SGTB: variants seen among roughly 807,000 people sequenced by gnomAD.
The protein encoded by SGTB is small glutamine rich tetratricopeptide repeat co-chaperone beta, also known as small glutamine-rich tetratricopeptide repeat-containing protein beta.
A neutral mutation model predicts 43.9 loss-of-function variants in SGTB; 19 were observed. The observed-to-expected ratio is 0.43, with a 90% CI of 0.30 to 0.63. SGTB has a LOEUF of 0.63. Ranked by LOEUF, SGTB falls within the 30% of genes least tolerant of loss-of-function variation. The pLI is 0.12. For missense variants in SGTB, 304 were observed against 358.9 expected, an observed-to-expected ratio of 0.85 and a Z score of 1.24; for synonymous variants, 116 against 117.3, an observed-to-expected ratio of 0.99 and a Z score of 0.07.
intron 2 of SGTB, among the ~76,000 whole-genome samples, chr5:65,714,163 A>T (rs1758104375): frequency 6.6e-6 from 1 of 152,250 alleles, no homozygotes; most frequent in Admixed American, 6.5e-5. Context: ...ATTAATAGTA[A>T]CAGAACATAG....
intron 5 of SGTB, among the ~76,000 whole-genome samples, chr5:65,686,592 C>T (rs1455652031): frequency 6.6e-6 from 1 of 151,658 alleles, no homozygotes; most frequent in Non-Finnish European, 1.5e-5. Context: ...CTCCTGGGCT[C>T]ATGCTATCCT....
chr5:65,672,918 C>G (rs1228294328), intron 8 of SGTB, among the ~76,000 whole-genome samples: 1 of 152,168 alleles, frequency 6.6e-6, no homozygotes, highest in Non-Finnish European at 1.5e-5. Flanking sequence ...CTGACTGATT[C>G]GTAAGTAATT....
intron 5 of SGTB, 35 bp from the exon 6 acceptor site, chr5:65,685,507 G>T: frequency 6.3e-7 from 1 of 1,586,046 alleles, no homozygotes; most frequent in Non-Finnish European, 8.6e-7. Flanking sequence ...ATTAAAGGCA[G>T]TTTTCAAGGC....
chr5:65,722,144 A>AGGGCTGGGGCGGGGCCAGACACGC (rs1758311752), upstream of SGTB: 1 of 208,744 alleles, frequency 4.8e-6, no homozygotes. Context: ...GCCGGACGCG[A>AGGGCTGGGGCGGGGCCAGACACGC]GGGCTGGGGC....
At chr5:65,719,159 CCCAA>C (rs763857534) in intron 2 of SGTB, among the ~76,000 whole-genome samples, 3 of 152,190 alleles carry the variant, frequency 2.0e-5, no homozygotes, top group Non-Finnish European at 4.4e-5. Context: ...AGAGCAAATG[CCCAA>C]TTTTCATCTC....
At chr5:65,688,686 C>T (rs1408724391) in intron 5 of SGTB, among the ~76,000 whole-genome samples, 1 of 152,168 alleles carries the variant, frequency 6.6e-6, no homozygotes, top group African/African-American at 2.4e-5. Context: ...ATACATAGGA[C>T]TTAGCATACT....
At chr5:65,711,075 G>C (rs913175293) in intron 3 of SGTB, among the ~76,000 whole-genome samples, 1 of 151,110 alleles carries the variant, frequency 6.6e-6, no homozygotes, top group Non-Finnish European at 1.5e-5. Context: ...TAAGGCAGAA[G>C]AATCGCTTGA....
chr5:65,685,606 TC>T, intron 5 of SGTB, 134 bp from the exon 6 acceptor site: 2 of 626,078 alleles, frequency 3.2e-6, no homozygotes, highest in Non-Finnish European at 5.4e-6. Flanking sequence ...AGTCAAACTG[TC>T]TAAGATAATT....
chr5:65,670,136 A>C lies in SGTB; in HGVS notation c.*110T>G. The C allele has an allele frequency of 1.2e-6, 1 of 823,468 alleles. No homozygotes were observed. The highest frequency in any genetic ancestry group is 1.9e-6 in the Non-Finnish European group (1 of 514,188). The allele number at this position is 823,468 out of a possible 1,614,324, so 51.0% of individuals were successfully genotyped here. A position where few individuals can be genotyped will look rare whatever the true frequency, so the allele number is the denominator to read the frequency against. On this transcript the variant is annotated 3_prime_UTR_variant, in exon 11 of 11. Transcript: ENST00000381007. ...AGGTTTTCCTCCATTATTTTCACAC[A>C]TCAGATATGGTGTTTGGTTTTTTGA...
At chr5:65,692,101 T>C (rs1232914207) in intron 5 of SGTB, among the ~76,000 whole-genome samples, 1 of 152,106 alleles carries the variant, frequency 6.6e-6, no homozygotes, top group Non-Finnish European at 1.5e-5. Flanking sequence ...TCCAGCTTTT[T>C]TGACACTCAA....
chr5:65,692,379 G>A (rs538307896), intron 5 of SGTB, among the ~76,000 whole-genome samples: 50 of 152,266 alleles, frequency 3.3e-4, no homozygotes, highest in Middle Eastern at 3.4e-3. Flanking sequence ...AGATCTGGTG[G>A]TCATCACCTT....
chr5:65,718,822 C>A (rs183036513), intron 2 of SGTB, among the ~76,000 whole-genome samples: 340 of 151,612 alleles, frequency 2.2e-3, no homozygotes, highest in Non-Finnish European at 3.6e-3. Context: ...TGGCTGAATA[C>A]CATCCTAAAA....
chr5:65,670,927 C>A (rs749679183), intron 10 of SGTB, among the ~76,000 whole-genome samples: 1 of 152,126 alleles, frequency 6.6e-6, no homozygotes, highest in Non-Finnish European at 1.5e-5. Context: ...ATAAAATGTC[C>A]AGCGAGAGCA....
chr5:65,695,991 G>C (rs945357743), intron 5 of SGTB, among the ~76,000 whole-genome samples: 3 of 152,222 alleles, frequency 2.0e-5, no homozygotes, highest in Non-Finnish European at 4.4e-5. Flanking sequence ...CCAGTGGACT[G>C]ACTGACCACA....
intron 6 of SGTB, among the ~76,000 whole-genome samples, chr5:65,682,321 T>C (rs562019991): frequency 7.9e-5 from 12 of 152,284 alleles, no homozygotes; most frequent in South Asian, 6.2e-4. Flanking sequence ...TAGAGGACCA[T>C]TGCTTGGAGT....
rs1757081863 is a variant in SGTB at position 65,668,282 on chromosome 5, G to C, written c.*1964C>G. On this transcript the variant is annotated 3_prime_UTR_variant, in exon 11 of 11. Coordinates refer to ENST00000381007, the MANE Select transcript of SGTB (RefSeq NM_019072.3). The stretch of plus-strand genomic sequence containing the variant: ...AGTCTTTTGATAAGGGTTCTATAAG[G>C]CCTAATCATCTGCATTATTACTCAT... The C allele has an allele frequency of 6.6e-6, 1 of 151,762 alleles. No homozygotes were observed. The highest frequency in any genetic ancestry group is 1.5e-5 in the Non-Finnish European group (1 of 68,048). The allele number at this position is 151,762 out of a possible 1,614,324, so 9.4% of individuals were successfully genotyped here.
At chr5:65,718,302 A>G (rs1466020449) in intron 2 of SGTB, among the ~76,000 whole-genome samples, 1 of 152,158 alleles carries the variant, frequency 6.6e-6, no homozygotes, top group Non-Finnish European at 1.5e-5. Context: ...CGCCTCACCC[A>G]GTTGTGACAA....
At chr5:65,685,284 A>T in intron 6 of SGTB, 84 bp downstream of exon 6, 1 of 1,135,950 alleles carries the variant, frequency 8.8e-7, no homozygotes, top group Non-Finnish European at 1.3e-6. Context: ...GTAAAACATT[A>T]AGCAGGAAAT....
chr5:65,715,410 C>T (rs1427977627), intron 2 of SGTB, among the ~76,000 whole-genome samples: 2 of 152,188 alleles, frequency 1.3e-5, no homozygotes, highest in African/African-American at 2.4e-5. Context: ...AAAGTTTTCA[C>T]ATGCTATGTA....
Sources: allele counts gnomAD v4.1 joint callset (sites outside exome capture counted in the v4.1 genomes callset), GRCh38; gene constraint gnomAD v4.1.1; transcripts MANE v1.5; gene names NCBI Gene and HGNC (gene_info 2026-07-23, HGNC 2026-07-21).